The following KCNQ3 variants were observed in gnomAD, a reference collection of about 807,000 sequenced individuals.
KCNQ3 encodes potassium voltage-gated channel subfamily KQT member 3.
Under a neutral mutation model 92.5 loss-of-function variants are expected in KCNQ3, and 30 were observed. The ratio of observed to expected loss-of-function variants is 0.32; its 90% CI spans 0.24 to 0.44. The LOEUF (loss-of-function observed/expected upper bound fraction) is 0.44. Among genes scored for constraint, KCNQ3 ranks in the 20% least tolerant of loss-of-function variants. The pLI, the probability that KCNQ3 is intolerant of heterozygous loss-of-function variation, is 1.00. For synonymous variants in KCNQ3, 450 were observed against 468.8 expected (o/e 0.96, Z 0.52); for missense variants, 913 against 1,140.3 (o/e 0.80, Z 2.87).
At position 132,216,586 on chromosome 8, in the gene KCNQ3, G is replaced by T. The variant is rs565666659; in HGVS notation, c.387-30405C>A. Among the ~76,000 whole-genome samples the T allele has an allele frequency of 5.3e-5, 8 of 152,208 alleles. No individual in the cohort carries two copies. The East Asian group carries it at 1.2e-3, about 22-fold the overall frequency. The stretch of plus-strand genomic sequence containing the variant: ...GACAGAGAACTTCAATTGACATCTG[G>T]GTTTCGAAATTTTGATTGCATAGAC... On this transcript the variant is annotated intron_variant, in intron 1 of 14. Transcript: ENST00000388996.
intron 1 of KCNQ3, among the ~76,000 whole-genome samples, chr8:132,222,571 C>T (rs1223934200): frequency 5.3e-5 from 8 of 152,140 alleles, no homozygotes; most frequent in Middle Eastern, 3.2e-3. Context: ...AGATAACATT[C>T]CATGGAGATT....
At chr8:132,356,660 GT>G (rs1819026860) in intron 1 of KCNQ3, among the ~76,000 whole-genome samples, 1 of 152,204 alleles carries the variant, frequency 6.6e-6, no homozygotes, top group Non-Finnish European at 1.5e-5. Flanking sequence ...CCATCTAACT[GT>G]TGTGCTATTT....
intron 1 of KCNQ3, among the ~76,000 whole-genome samples, chr8:132,295,573 T>C (rs533156607): frequency 2.0e-5 from 3 of 152,292 alleles, no homozygotes; most frequent in Admixed American, 6.5e-5. Context: ...ATTATAAAGA[T>C]ACATGCATGT....
chr8:132,417,785 G>A lies in KCNQ3; in HGVS notation c.386+62362C>T, dbSNP rs16904683. ...TCCTAATGGAGTCCAAGCAATGGGAGTGCTCCCGGAATATATGCCAAGCCA... is the reference window on the plus strand; with the variant it reads ...TCCTAATGGAGTCCAAGCAATGGGAATGCTCCCGGAATATATGCCAAGCCA... On this transcript the variant is annotated intron_variant, in intron 1 of 14. Coordinates refer to ENST00000388996, the MANE Select transcript of KCNQ3 (RefSeq NM_004519.4). Among the ~76,000 whole-genome samples, 381 of 152,332 alleles carry A rather than the reference G, an allele frequency of 2.5e-3. 8 individuals carry two copies. In the East Asian group the frequency reaches 0.064, roughly 25 times the overall value.
At chr8:132,467,790 C>T (rs1247567623) in intron 1 of KCNQ3, among the ~76,000 whole-genome samples, 1 of 152,178 alleles carries the variant, frequency 6.6e-6, no homozygotes, top group African/African-American at 2.4e-5. Context: ...AACTATACTT[C>T]GGACAGGATT....
chr8:132,448,502 G>GAAAAAAAAAAAAAAAAAAAAAAAGAAA, intron 1 of KCNQ3, among the ~76,000 whole-genome samples: 1 of 93,884 alleles, frequency 1.1e-5, no homozygotes, highest in Non-Finnish European at 2.1e-5. Flanking sequence ...GGAGAAATAT[G>GAAAAAAAAAAAAAAAAAAAAAAAGAAA]AAAAAAAAAA....
intron 1 of KCNQ3, among the ~76,000 whole-genome samples, chr8:132,341,197 G>A (rs1023617082): frequency 6.6e-6 from 1 of 152,222 alleles, no homozygotes. Context: ...TGAGGAAGAG[G>A]TCTCCTCTTG....
rs1309840352 is a variant in KCNQ3, at chr8:132,120,942, A to T, written c.*8320T>A. 6.6e-6 allele frequency: 1 copy of T among 152,250 alleles called. No individual in the cohort carries two copies. Among genetic ancestry groups the T allele is most frequent in the Admixed American group, 6.5e-5 (1 of 15,282 alleles). The allele number at this position is 152,250 out of a possible 1,614,324, so 9.4% of individuals were successfully genotyped here. A position where few individuals can be genotyped will look rare whatever the true frequency, so the allele number is the denominator to read the frequency against. ...AAAAAATCAGGTAAGAATTATTTGC[A>T]TAATATATATGGAAATCAACCTATT... On this transcript the variant is annotated 3_prime_UTR_variant, in exon 15 of 15. Transcript: ENST00000388996.
At chr8:132,285,817 G>T (rs1211203897) in intron 1 of KCNQ3, among the ~76,000 whole-genome samples, 1 of 152,172 alleles carries the variant, frequency 6.6e-6, no homozygotes, top group South Asian at 2.1e-4. Flanking sequence ...TGGTTTTCTG[G>T]GATTGACCCA....
intron 1 of KCNQ3, among the ~76,000 whole-genome samples, chr8:132,475,242 T>C (rs190712174): frequency 9.2e-5 from 14 of 152,304 alleles, no homozygotes; most frequent in Non-Finnish European, 1.6e-4. Flanking sequence ...AGGAAATTGG[T>C]GCCTGGAGTT....
chr8:132,370,653 G>A (rs2130737270), intron 1 of KCNQ3, among the ~76,000 whole-genome samples: 1 of 152,324 alleles, frequency 6.6e-6, no homozygotes, highest in East Asian at 1.9e-4. Context: ...GTTGGTGTAG[G>A]TGGGAATCAC....
At chr8:132,163,189 C>T (rs1826043046) in intron 9 of KCNQ3, among the ~76,000 whole-genome samples, 2 of 152,178 alleles carry the variant, frequency 1.3e-5, no homozygotes. Flanking sequence ...GCCTATCTTA[C>T]ATTGTGGTTA....
At chr8:132,218,626 A>G (rs967428052) in intron 1 of KCNQ3, among the ~76,000 whole-genome samples, 3 of 152,248 alleles carry the variant, frequency 2.0e-5, no homozygotes, top group Non-Finnish European at 2.9e-5. Flanking sequence ...AGAAGTAGGC[A>G]GTCCACTCAG....
chr8:132,475,834 A>G (rs187626006), intron 1 of KCNQ3, among the ~76,000 whole-genome samples: 2 of 152,372 alleles, frequency 1.3e-5, no homozygotes, highest in East Asian at 3.9e-4. Context: ...TTGAATGTTA[A>G]TAGCCAAGAC....
chr8:132,335,390 C>T (rs1818341943), intron 1 of KCNQ3, among the ~76,000 whole-genome samples: 1 of 152,114 alleles, frequency 6.6e-6, no homozygotes, highest in South Asian at 2.1e-4. Context: ...CAAGTCTTTC[C>T]ATGATGGTCC....
chr8:132,329,582 G>A (rs1439081860), intron 1 of KCNQ3, among the ~76,000 whole-genome samples: 2 of 152,148 alleles, frequency 1.3e-5, no homozygotes, highest in African/African-American at 2.4e-5. Flanking sequence ...GACAGTGGTC[G>A]GTGTAGCTCT....
chr8:132,138,820 G>C (rs534063705), intron 11 of KCNQ3, among the ~76,000 whole-genome samples: 2 of 152,250 alleles, frequency 1.3e-5, no homozygotes, highest in African/African-American at 4.8e-5. Context: ...GTCATAGCTC[G>C]TGGCTTCAGC....
rs536510578 is a variant in KCNQ3 at position 132,390,638 on chromosome 8, TTCTCCAG to T, written c.386+89502_386+89508del. On this transcript the variant is annotated intron_variant, in intron 1 of 14. Coordinates refer to ENST00000388996, the MANE Select transcript of KCNQ3 (RefSeq NM_004519.4). ...AACACTGTATAAGAGCAAGCTCAGG[TTCTCCAG>T]TCTCCAGCACTCTCCAGCACTTCTC... Among the ~76,000 whole-genome samples the T allele has an allele frequency of 7.4e-4, 112 of 152,196 alleles. 4 individuals are homozygous for T. The South Asian group carries it at 0.012, about 17-fold the overall frequency.
intron 13 of KCNQ3, 77 bp from the exon 14 acceptor site, chr8:132,132,341 A>G: frequency 2.7e-6 from 3 of 1,118,956 alleles, no homozygotes; most frequent in Admixed American, 3.4e-5. Context: ...TAGGCAGGCC[A>G]TGGCCAACAG....
Sources: allele counts gnomAD v4.1 joint callset (sites outside exome capture counted in the v4.1 genomes callset), GRCh38; gene constraint gnomAD v4.1.1; transcripts MANE v1.5; gene names NCBI Gene and HGNC (gene_info 2026-07-23, HGNC 2026-07-21).